Variants in MLLT3 observed in about 807,000 individuals in gnomAD.
MLLT3 encodes the protein MLLT3 super elongation complex subunit.
MLLT3 carries 4 observed loss-of-function variants against 53.2 expected under a neutral mutation model. That is an observed-to-expected ratio of 0.08 (90% CI 0.04 to 0.17). The LOEUF is 0.17. MLLT3 is among the 10% of genes least tolerant of loss of function. The pLI is 1.00. For missense variants in MLLT3, 569 were observed against 684.0 expected (o/e 0.83, Z 1.87); for synonymous variants, 283 against 230.6 (o/e 1.23, Z -2.06).
At chr9:20,420,426 G>A (rs188810572) in intron 4 of MLLT3, among the ~76,000 whole-genome samples, 83 of 152,218 alleles carry the variant, frequency 5.5e-4, no homozygotes, top group African/African-American at 1.9e-3. Context: ...TCAGCTAAAT[G>A]CCCCCAAAAG....
At chr9:20,441,428 C>T (rs531615174) in intron 4 of MLLT3, among the ~76,000 whole-genome samples, 1 of 152,236 alleles carries the variant, frequency 6.6e-6, no homozygotes, top group African/African-American at 2.4e-5. Flanking sequence ...TTAAGGCTCA[C>T]AATTTTGACT....
At chr9:20,494,913 CTATACATATATGCAA>C (rs1387601724) in intron 2 of MLLT3, among the ~76,000 whole-genome samples, 2 of 152,246 alleles carry the variant, frequency 1.3e-5, no homozygotes, top group East Asian at 3.9e-4. Flanking sequence ...CATAGTTGTA[CTATACATATATGCAA>C]GATGATTTTT....
At chr9:20,551,107 A>T (rs1324686508) in intron 2 of MLLT3, among the ~76,000 whole-genome samples, 1 of 152,242 alleles carries the variant, frequency 6.6e-6, no homozygotes, top group Non-Finnish European at 1.5e-5. Flanking sequence ...GGAAAAAAAT[A>T]CTCATCGTGA....
intron 2 of MLLT3, among the ~76,000 whole-genome samples, chr9:20,489,788 T>A (rs573741886): frequency 5.3e-5 from 8 of 152,306 alleles, no homozygotes; most frequent in African/African-American, 1.9e-4. Context: ...TATTTTATTT[T>A]GTGATTTGAT....
intron 5 of MLLT3, chr9:20,412,024 T>A (rs1299290046): frequency 1.3e-5 from 2 of 152,232 alleles, no homozygotes; most frequent in South Asian, 4.1e-4. Context: ...CTGATTTTTT[T>A]AATGCTAGTG....
intron 2 of MLLT3, among the ~76,000 whole-genome samples, chr9:20,581,534 T>C (rs558700673): frequency 6.6e-6 from 1 of 152,298 alleles, no homozygotes; most frequent in East Asian, 1.9e-4. Flanking sequence ...GAATTTTTTT[T>C]CCCTTAAACT....
At position 20,344,864 on chromosome 9, in the gene MLLT3, C is replaced by T. The variant is rs900558636; in HGVS notation, c.*1579G>A. 2.8e-5 allele frequency: 6 copies of T among 211,418 alleles called. No homozygotes were observed. The highest frequency in any genetic ancestry group is 1.4e-4 in the African/African-American group (6 of 44,136). 13.1% of individuals were successfully genotyped at this position (211,418 alleles called of 1,614,324 possible). On this transcript the variant is annotated 3_prime_UTR_variant, in exon 11 of 11. Coordinates refer to ENST00000380338, the MANE Select transcript of MLLT3 (RefSeq NM_004529.4). ...AGACAGCATCTGGCATGGGAACAAA[C>T]AAGGGAGATACTGGTCTATTAGCAC... is the stretch of plus-strand genomic sequence containing the variant.
intron 2 of MLLT3, among the ~76,000 whole-genome samples, chr9:20,582,168 T>C (rs1224220120): frequency 6.6e-6 from 1 of 152,154 alleles, no homozygotes; most frequent in Non-Finnish European, 1.5e-5. Context: ...CATTTTCCCC[T>C]ATTATTAACA....
At chr9:20,583,556 T>C (rs2131177023) in intron 2 of MLLT3, among the ~76,000 whole-genome samples, 1 of 152,322 alleles carries the variant, frequency 6.6e-6, no homozygotes, top group East Asian at 1.9e-4. Context: ...GCATCTGGCA[T>C]TTCCATACAT....
intron 2 of MLLT3, among the ~76,000 whole-genome samples, chr9:20,609,019 A>G (rs1292589209): frequency 6.6e-6 from 1 of 152,052 alleles, no homozygotes; most frequent in Non-Finnish European, 1.5e-5. Context: ...GAACTGAATC[A>G]ATGATGTTAA....
chr9:20,593,768 A>G (rs1454160297), intron 2 of MLLT3, among the ~76,000 whole-genome samples: 2 of 152,176 alleles, frequency 1.3e-5, no homozygotes, highest in Admixed American at 6.6e-5. Flanking sequence ...CACGTACTGG[A>G]ATCAGCCAGC....
intron 4 of MLLT3, among the ~76,000 whole-genome samples, chr9:20,440,813 T>G (rs1266776213): frequency 6.6e-6 from 1 of 152,192 alleles, no homozygotes; most frequent in Non-Finnish European, 1.5e-5. Context: ...ATTTTTCCTT[T>G]TCTGTTCATT....
chr9:20,545,272 C>G, intron 2 of MLLT3, among the ~76,000 whole-genome samples: 1 of 151,826 alleles, frequency 6.6e-6, no homozygotes, highest in Non-Finnish European at 1.5e-5. Flanking sequence ...AAGAGTGAAC[C>G]CTGAGGACAC....
At chr9:20,482,109 T>C (rs747196708) in intron 2 of MLLT3, among the ~76,000 whole-genome samples, 20 of 152,208 alleles carry the variant, frequency 1.3e-4, no homozygotes, top group Non-Finnish European at 1.3e-4. Context: ...CATCCACATA[T>C]TGTATTTCCC....
At chr9:20,473,290 G>C (rs772568419) in intron 2 of MLLT3, among the ~76,000 whole-genome samples, 1 of 151,864 alleles carries the variant, frequency 6.6e-6, no homozygotes, top group Non-Finnish European at 1.5e-5. Flanking sequence ...TAATTACATC[G>C]TTTTCTAAAA....
At position 20,344,876 on chromosome 9, in the gene MLLT3, T is replaced by C. The variant is rs145290708; in HGVS notation, c.*1567A>G. The C allele has an allele frequency of 2.1e-3, 441 of 212,298 alleles. 15 individuals are homozygous for C. In the East Asian group the frequency reaches 0.031, roughly 15 times the overall value. 13.2% of individuals were successfully genotyped at this position (212,298 alleles called of 1,614,324 possible). On this transcript the variant is annotated 3_prime_UTR_variant, in exon 11 of 11. Transcript: ENST00000380338. ...GCATGGGAACAAACAAGGGAGATAC[T>C]GGTCTATTAGCACACATAGAGACTT...
intron 5 of MLLT3, among the ~76,000 whole-genome samples, chr9:20,404,039 T>A (rs1822521203): frequency 6.6e-6 from 1 of 152,142 alleles, no homozygotes; most frequent in Non-Finnish European, 1.5e-5. Context: ...CAGACTGGTC[T>A]TGAACTCCTA....
At chr9:20,460,187 G>C (rs974714386) in intron 2 of MLLT3, among the ~76,000 whole-genome samples, 26 of 152,150 alleles carry the variant, frequency 1.7e-4, no homozygotes, top group African/African-American at 6.0e-4. Context: ...TCTTCATTGA[G>C]AGTCTCTTCT....
chr9:20,353,827 C>G (rs1211073028), intron 9 of MLLT3, among the ~76,000 whole-genome samples: 1 of 152,166 alleles, frequency 6.6e-6, no homozygotes, highest in Admixed American at 6.5e-5. Context: ...GGAGTGAATT[C>G]TTGGACTTAA....
Sources: allele counts gnomAD v4.1 joint callset (sites outside exome capture counted in the v4.1 genomes callset), GRCh38; gene constraint gnomAD v4.1.1; transcripts MANE v1.5; gene names NCBI Gene and HGNC (gene_info 2026-07-23, HGNC 2026-07-21).